The following PAK5 variants were observed in gnomAD, a reference collection of about 807,000 sequenced individuals.
PAK5 encodes the protein p21 (RAC1) activated kinase 5, also known as serine/threonine-protein kinase PAK 5.
PAK5 carries 16 observed loss-of-function variants against 65.9 expected under a neutral mutation model. The observed-to-expected ratio is 0.24, with a 90% CI of 0.16 to 0.37. The LOEUF (loss-of-function observed/expected upper bound fraction) is 0.37, where lower values mean the gene tolerates loss of function less well. Ranked by LOEUF, PAK5 falls within the 10% of genes least tolerant of loss-of-function variation. The pLI, the probability that PAK5 is intolerant of heterozygous loss-of-function variation, is 1.00. For synonymous variants in PAK5, 371 were observed against 354.9 expected, an observed-to-expected ratio of 1.05 and a Z score of -0.51; for missense variants, 785 against 903.9, an observed-to-expected ratio of 0.87 and a Z score of 1.69.
At chr20:9,828,921 A>G (rs975112625) in intron 1 of PAK5, among the ~76,000 whole-genome samples, 3 of 152,082 alleles carry the variant, frequency 2.0e-5, no homozygotes, top group African/African-American at 7.2e-5. Context: ...TGGAACCAAT[A>G]TTGATTGCAG....
chr20:9,713,577 G>T (rs1176432702), intron 1 of PAK5, among the ~76,000 whole-genome samples: 1 of 152,072 alleles, frequency 6.6e-6, no homozygotes, highest in African/African-American at 2.4e-5. Flanking sequence ...GTTTATTTCA[G>T]TGCTATTCAT....
At chr20:9,640,323 G>C (rs904287021) in intron 3 of PAK5, among the ~76,000 whole-genome samples, 4 of 147,710 alleles carry the variant, frequency 2.7e-5, no homozygotes, top group Non-Finnish European at 5.9e-5. Context: ...TTGGTTTTTT[G>C]TCCTTGTGAT....
chr20:9,563,681 G>A (rs1419324412), intron 5 of PAK5, among the ~76,000 whole-genome samples: 2 of 152,192 alleles, frequency 1.3e-5, no homozygotes, highest in Non-Finnish European at 2.9e-5. Flanking sequence ...AGTTTTCAGA[G>A]CTAGTGTTAA....
chr20:9,562,266 C>T (rs2045602789), intron 6 of PAK5, among the ~76,000 whole-genome samples: 1 of 152,146 alleles, frequency 6.6e-6, no homozygotes, highest in Non-Finnish European at 1.5e-5. Flanking sequence ...TATATCTGAG[C>T]CACATTCATT....
Position 9,681,136 on chromosome 20 carries a change from T to C in PAK5, c.-12+30150A>G, listed in dbSNP as rs141850753. Among the ~76,000 whole-genome samples the C allele has an allele frequency of 6.8e-3, 1,028 of 152,292 alleles. 7 individuals are homozygous for C. Among genetic ancestry groups the C allele is most frequent in the African/African-American group, 0.024 (979 of 41,574 alleles). On this transcript the variant is annotated intron_variant, in intron 2 of 9. Transcript: ENST00000353224. Reference sequence around the variant, plus strand: ...GGAATGATTCTTCAATAAAGTATAATACATTTTTATCTCTAAAAATGCTTC... The same window carrying C: ...GGAATGATTCTTCAATAAAGTATAACACATTTTTATCTCTAAAAATGCTTC...
intron 6 of PAK5, among the ~76,000 whole-genome samples, chr20:9,560,438 C>G (rs539946681): frequency 2.0e-5 from 3 of 152,316 alleles, no homozygotes; most frequent in Admixed American, 1.3e-4. Flanking sequence ...GAGCTCACTG[C>G]AGCCTTGAAC....
At chr20:9,766,283 A>G (rs28733511) in intron 1 of PAK5, among the ~76,000 whole-genome samples, 2 of 66,770 alleles carry the variant, frequency 3.0e-5, no homozygotes, top group African/African-American at 6.1e-5. Context: ...ATATATTCTA[A>G]TTGAATATAT....
At chr20:9,765,396 A>G (rs913111643) in intron 1 of PAK5, among the ~76,000 whole-genome samples, 3 of 152,172 alleles carry the variant, frequency 2.0e-5, no homozygotes, top group African/African-American at 7.2e-5. Flanking sequence ...TGGTGCAAAA[A>G]TACTGATTGC....
chr20:9,579,025 C>G (rs2045934174), intron 4 of PAK5, among the ~76,000 whole-genome samples: 1 of 152,190 alleles, frequency 6.6e-6, no homozygotes, highest in Admixed American at 6.5e-5. Flanking sequence ...CAACAATACA[C>G]TTAAATGGCT....
chr20:9,743,333 G>T (rs1460634159), intron 1 of PAK5, among the ~76,000 whole-genome samples: 1 of 151,928 alleles, frequency 6.6e-6, no homozygotes, highest in Non-Finnish European at 1.5e-5. Context: ...TTGTGCCACT[G>T]CACTCCAGCA....
In PAK5 at chr20:9,544,441, C is replaced by T. The variant is rs1253995742; in HGVS notation, c.1797G>A (p.Lys599=). The change falls in exon 8 of 10, where the codon AAG becomes AAA. Residue 599 remains lysine, a synonymous_variant. Transcript: ENST00000353224. ...FCAQVSKEVP[K]RKSLVGTPYW... is the part of the protein sequence containing the mutation. The stretch of plus-strand genomic sequence containing the variant: ...AGGGAGTGCCAACCAATGATTTCCT[C>T]TTCGGCACCTCTTTGGAAACTTGAG... 3.1e-6 allele frequency: 5 copies of T among 1,613,788 alleles called. 1 individual carries two copies. The highest frequency in any genetic ancestry group is 1.7e-5 in the Admixed American group (1 of 59,998).
intron 3 of PAK5, among the ~76,000 whole-genome samples, chr20:9,626,836 G>A (rs1027686827): frequency 6.6e-6 from 1 of 151,672 alleles, no homozygotes; most frequent in African/African-American, 2.4e-5. Context: ...AGAAACTTTG[G>A]TAACCCCTGA....
At chr20:9,566,446 G>A in intron 4 of PAK5, 62 bp from the exon 5 acceptor site, 1 of 1,493,020 alleles carries the variant, frequency 6.7e-7, no homozygotes, top group Non-Finnish European at 9.1e-7. Flanking sequence ...ACAGCCGAGT[G>A]GTGAGTGAGC....
At chr20:9,729,997 G>GAAAA (rs760289697) in intron 1 of PAK5, among the ~76,000 whole-genome samples, 5 of 82,244 alleles carry the variant, frequency 6.1e-5, no homozygotes, top group Non-Finnish European at 8.9e-5. Flanking sequence ...GGGCAACAGG[G>GAAAA]AAAAAAAAAA....
intron 1 of PAK5, among the ~76,000 whole-genome samples, chr20:9,836,175 TTA>T (rs1979132052): frequency 1.9e-5 from 2 of 103,726 alleles, no homozygotes; most frequent in African/African-American, 4.9e-5. Context: ...TACTCTATCT[TTA>T]CCTCTTATGC....
At chr20:9,616,100 G>T (rs901805723) in intron 3 of PAK5, among the ~76,000 whole-genome samples, 1 of 152,214 alleles carries the variant, frequency 6.6e-6, no homozygotes, top group East Asian at 1.9e-4. Context: ...TGGGAAGCAT[G>T]TCAAAGACAC....
chr20:9,777,703 A>AT (rs1035877284), intron 1 of PAK5, among the ~76,000 whole-genome samples: 7 of 152,184 alleles, frequency 4.6e-5, no homozygotes, highest in South Asian at 2.1e-4. Flanking sequence ...ATATACATAT[A>AT]TTTTTTTGAA....
chr20:9,650,042 T>C (rs78741596), intron 2 of PAK5, among the ~76,000 whole-genome samples: 52 of 152,274 alleles, frequency 3.4e-4, no homozygotes, highest in African/African-American at 1.2e-3. Context: ...CCAGCCCCCA[T>C]GGTGCAGCAT....
At chr20:9,587,109 G>A (rs1390078236) in intron 3 of PAK5, among the ~76,000 whole-genome samples, 2 of 152,060 alleles carry the variant, frequency 1.3e-5, no homozygotes. Flanking sequence ...ACTTATAAGT[G>A]CTAGTTACTT....
Sources: gnomAD v4.1 joint callset for allele counts (sites outside exome capture counted in the v4.1 genomes callset) on GRCh38, gnomAD v4.1.1 for gene constraint, MANE v1.5 for transcripts, NCBI Gene and HGNC (gene_info 2026-07-23, HGNC 2026-07-21) for gene names.